The following TRPM1 variants were observed in gnomAD, a reference collection of about 807,000 sequenced individuals.
TRPM1 encodes transient receptor potential cation channel subfamily M member 1.
A neutral mutation model predicts 149.4 loss-of-function variants in TRPM1; 113 were observed. That is an observed-to-expected ratio of 0.76 (90% CI 0.65 to 0.88). The LOEUF (loss-of-function observed/expected upper bound fraction) is 0.88. Among genes scored for constraint, TRPM1 ranks in the 40% least tolerant of loss-of-function variants. The pLI is 0.00. For missense variants in TRPM1, 1,976 were observed against 2,038.7 expected, an observed-to-expected ratio of 0.97 and a Z score of 0.59; for synonymous variants, 741 against 759.5, an observed-to-expected ratio of 0.98 and a Z score of 0.40.
chr15:31,090,497 T>G (rs2035205776), intron 1 of TRPM1, among the ~76,000 whole-genome samples: 1 of 151,816 alleles, frequency 6.6e-6, no homozygotes, highest in African/African-American at 2.4e-5. Flanking sequence ...ATTAGCCAGG[T>G]GTGGTGGTGG....
chr15:31,023,460 G>C (rs1405473009), intron 27 of TRPM1, among the ~76,000 whole-genome samples: 1 of 152,234 alleles, frequency 6.6e-6, no homozygotes, highest in Non-Finnish European at 1.5e-5. Context: ...GACCCCATGA[G>C]AGCTGACAGT....
chr15:31,150,646 G>A (rs955922753), intron 1 of TRPM1, among the ~76,000 whole-genome samples: 6 of 151,988 alleles, frequency 3.9e-5, no homozygotes, highest in Admixed American at 1.3e-4. Flanking sequence ...ATGTTGGCCG[G>A]GCTGGTCTCA....
intron 13 of TRPM1, among the ~76,000 whole-genome samples, chr15:31,048,325 C>T (rs774778234): frequency 1.3e-5 from 2 of 152,092 alleles, no homozygotes; most frequent in Non-Finnish European, 2.9e-5. Context: ...AAAATCCTGC[C>T]CTACTCTATA....
intron 8 of TRPM1, among the ~76,000 whole-genome samples, chr15:31,062,906 GT>G (rs2034271626): frequency 6.6e-6 from 1 of 152,200 alleles, no homozygotes; most frequent in Non-Finnish European, 1.5e-5. Flanking sequence ...GGCAAATGAA[GT>G]TGGAAATGAG....
In TRPM1 at chr15:31,076,989, AAGAG is replaced by A; in HGVS notation, c.4-9_4-6del. Reference sequence around the variant, plus strand: ...CTCTATCCAAGATTTCTGACCCTGGAAGAGAGAGAGAAGTGGATATTGGACCAAT... The same window carrying A: ...CTCTATCCAAGATTTCTGACCCTGGAAGAGAGAAGTGGATATTGGACCAAT... On this transcript the variant is annotated splice_polypyrimidine_tract_variant and splice_region_variant and intron_variant, in intron 2 of 27. Coordinates refer to ENST00000256552, the MANE Select transcript of TRPM1 (RefSeq NM_001252024.2). The A allele has an allele frequency of 1.2e-6, 2 of 1,600,138 alleles. No individual in the cohort carries two copies. The highest frequency in any genetic ancestry group is 8.6e-7 in the Non-Finnish European group (1 of 1,167,828).
intron 1 of TRPM1, among the ~76,000 whole-genome samples, chr15:31,159,815 T>C (rs2036422803): frequency 6.6e-6 from 1 of 152,290 alleles, no homozygotes; most frequent in South Asian, 2.1e-4. Flanking sequence ...AGTTCCCGCC[T>C]AGGGCTCTGT....
At chr15:31,074,605 T>C (rs905659502) in intron 3 of TRPM1, among the ~76,000 whole-genome samples, 2 of 152,130 alleles carry the variant, frequency 1.3e-5, no homozygotes, top group Admixed American at 6.5e-5. Flanking sequence ...GCTAAAGATA[T>C]GTGAATTTTG....
chr15:31,098,718 C>T (rs1372056272), intron 1 of TRPM1, among the ~76,000 whole-genome samples: 1 of 152,156 alleles, frequency 6.6e-6, no homozygotes, highest in African/African-American at 2.4e-5. Context: ...GAGCGTTACC[C>T]CTACCTTAAG....
At chr15:31,029,105 G>A (rs2032936076) in intron 24 of TRPM1, among the ~76,000 whole-genome samples, 1 of 152,104 alleles carries the variant, frequency 6.6e-6, no homozygotes, top group African/African-American at 2.4e-5. Flanking sequence ...TTGGTGCCAT[G>A]TTTGAAAAAT....
At chr15:31,057,661 C>A (rs2034119910) in intron 11 of TRPM1, among the ~76,000 whole-genome samples, 1 of 151,970 alleles carries the variant, frequency 6.6e-6, no homozygotes, top group South Asian at 2.1e-4. Context: ...TAGCTCCCCA[C>A]AGGGTAGCCT....
Position 31,060,630 on chromosome 15 carries a change from C to A in TRPM1, c.1177G>T (p.Ala393Ser), listed in dbSNP as rs372072837. 6.2e-7 allele frequency: 1 copy of A among 1,614,148 alleles called. No homozygotes were observed. The highest frequency in any genetic ancestry group is 8.5e-7 in the Non-Finnish European group (1 of 1,179,998). The part of the protein sequence containing the change: ...TALLKGTNVS[A>S]PDQLSLALAW... ...AGTGCCAAGCTCAGCTGATCTGGAGCAGATACGTTTGTTCCTGGAAAGGCA... is the reference window on the plus strand; with the variant it reads ...AGTGCCAAGCTCAGCTGATCTGGAGAAGATACGTTTGTTCCTGGAAAGGCA... The change falls in exon 11 of 28, where the codon GCT becomes TCT. Residue 393 changes from alanine (A) to serine (S), a missense_variant. By Grantham distance (99) the Ala-to-Ser change is moderately conservative. This residue lies in a region of TRPM1 where 1,332 missense variants were observed against 1,347.1 expected (regional missense o/e 0.99). Coordinates refer to ENST00000256552, the MANE Select transcript of TRPM1 (RefSeq NM_001252024.2).
rs532121889 is a variant in TRPM1 at position 31,056,100 on chromosome 15, A to T, written c.1263+4444T>A. Among the ~76,000 whole-genome samples, 3 of 152,348 alleles carry T rather than the reference A, an allele frequency of 2.0e-5. No homozygotes were observed. The East Asian group carries it at 5.8e-4, about 29-fold the overall frequency. On this transcript the variant is annotated intron_variant, in intron 11 of 27. Transcript: ENST00000256552. ...CCTTTAAAAATTGTATAAAAGCTAA[A>T]GAAAAAGTTGAGATTTCCAAAAACA...
chr15:31,026,313 G>T, intron 26 of TRPM1, 42 bp from the exon 27 acceptor site: 1 of 1,603,830 alleles, frequency 6.2e-7, no homozygotes, highest in Non-Finnish European at 8.5e-7. Context: ...AAAACAAGAA[G>T]AATCAGTTTC....
chr15:31,106,473 C>T (rs2035608654), upstream of TRPM1, among the ~76,000 whole-genome samples: 1 of 152,158 alleles, frequency 6.6e-6, no homozygotes, highest in Non-Finnish European at 1.5e-5. Context: ...TTGTTTTATC[C>T]TTTCACTTTT....
At chr15:31,031,427 C>T (rs886106424) in intron 22 of TRPM1, 8 of 530,118 alleles carry the variant, frequency 1.5e-5, no homozygotes, top group Admixed American at 3.3e-5. Flanking sequence ...AAACACATGT[C>T]CCTTAGTAAC....
At chr15:31,069,123 T>TA (rs781709689) in intron 4 of TRPM1, among the ~76,000 whole-genome samples, 2 of 152,222 alleles carry the variant, frequency 1.3e-5, no homozygotes, top group Non-Finnish European at 2.9e-5. Context: ...AGTTCAAATA[T>TA]AACTGGGTGT....
At chr15:31,060,436 G>C in intron 11 of TRPM1, 108 bp downstream of exon 11, 1 of 925,222 alleles carries the variant, frequency 1.1e-6, no homozygotes, top group South Asian at 1.4e-5. Flanking sequence ...CATATCATCA[G>C]AAACCCCACA....
chr15:31,033,338 A>G (rs1471298179), intron 21 of TRPM1, among the ~76,000 whole-genome samples: 5 of 152,220 alleles, frequency 3.3e-5, no homozygotes, highest in African/African-American at 1.2e-4. Context: ...CCCAGTGGAG[A>G]TGGCAGAATA....
intron 1 of TRPM1, among the ~76,000 whole-genome samples, chr15:31,113,853 T>A (rs111797271): frequency 1.3e-5 from 2 of 152,126 alleles, no homozygotes; most frequent in African/African-American, 4.8e-5. Flanking sequence ...ACAACGACGC[T>A]CCCACACGCT....
Sources: gnomAD v4.1 joint callset for allele counts (sites outside exome capture counted in the v4.1 genomes callset) on GRCh38, gnomAD v4.1.1 for gene constraint, gnomAD v4.1.1 regional missense constraint, MANE v1.5 for transcripts, NCBI Gene and HGNC (gene_info 2026-07-23, HGNC 2026-07-21) for gene names.